LRRK1: variants seen among roughly 807,000 people sequenced by gnomAD.
The protein encoded by LRRK1 is leucine rich repeat kinase 1, also known as leucine-rich repeat serine/threonine-protein kinase 1.
LRRK1 carries 113 observed loss-of-function variants against 209.1 expected under a neutral mutation model. That is an observed-to-expected ratio of 0.54 (90% CI 0.46 to 0.63). The LOEUF (loss-of-function observed/expected upper bound fraction) is 0.63. Ranked by LOEUF, LRRK1 falls within the 30% of genes least tolerant of loss-of-function variation. The pLI is 0.00. For missense variants in LRRK1, 2,284 were observed against 2,632.2 expected (o/e 0.87, Z 2.89); for synonymous variants, 1,144 against 1,099.7 (o/e 1.04, Z -0.80).
At chr15:101,040,366 G>C (rs1394583503) in intron 20 of LRRK1, among the ~76,000 whole-genome samples, 1 of 151,840 alleles carries the variant, frequency 6.6e-6, no homozygotes, top group African/African-American at 2.4e-5. Context: ...AATGTGTAGT[G>C]ATATGCTCTC....
chr15:101,029,122 A>G lies in LRRK1; in HGVS notation c.2853A>G (p.Ala951=), dbSNP rs770520937. 2 of 1,614,226 alleles carry G rather than the reference A, an allele frequency of 1.2e-6. No individual in the cohort carries two copies. The highest frequency in any genetic ancestry group is 1.7e-5 in the Admixed American group (1 of 60,026). Residue 951 remains alanine (A), a synonymous_variant, in exon 20 of 34, where the codon GCA becomes GCG. Transcript: ENST00000388948. ...TGGCCAAGAATGGGGTGATCAGAGC[A>G]GAAGACCTCAGGATGCTGCTGGTGG... ...RSVAKNGVIR[A]EDLRMLLVGT... is the part of the protein sequence containing the mutation.
chr15:101,053,759 T>C (rs1331070172), intron 26 of LRRK1, among the ~76,000 whole-genome samples: 2 of 151,754 alleles, frequency 1.3e-5, no homozygotes, highest in Admixed American at 6.6e-5. Context: ...ATTGAATCAC[T>C]TTCCCAACTG....
chr15:101,030,086 C>T (rs1465799225), intron 20 of LRRK1, among the ~76,000 whole-genome samples: 1 of 152,138 alleles, frequency 6.6e-6, no homozygotes, highest in African/African-American at 2.4e-5. Flanking sequence ...CCCAGGTCTC[C>T]CCAGTCCTAA....
intron 15 of LRRK1, among the ~76,000 whole-genome samples, chr15:101,023,095 T>C (rs2033872690): frequency 6.6e-6 from 1 of 152,146 alleles, no homozygotes; most frequent in Non-Finnish European, 1.5e-5. Context: ...TAACCACTGT[T>C]GCAGGCAGTG....
At chr15:100,982,199 G>A (rs1044847616) in intron 3 of LRRK1, among the ~76,000 whole-genome samples, 1 of 152,160 alleles carries the variant, frequency 6.6e-6, no homozygotes, top group Non-Finnish European at 1.5e-5. Flanking sequence ...TCCTCAGTAG[G>A]TGTTGATGGG....
chr15:101,053,925 A>G (rs1414391759), intron 26 of LRRK1, among the ~76,000 whole-genome samples: 1 of 152,194 alleles, frequency 6.6e-6, no homozygotes, highest in Non-Finnish European at 1.5e-5. Context: ...AGGAAGAAGA[A>G]ATGCTATGAA....
At position 101,010,734 on chromosome 15, in the gene LRRK1, C is replaced by A; in HGVS notation, c.1178C>A (p.Thr393Lys). Residue 393 changes from threonine (T) to lysine (K), a missense_variant, in exon 9 of 34, where the codon ACA (threonine) becomes AAA (lysine). By Grantham distance (78) the Thr-to-Lys change is moderately conservative. Coordinates refer to ENST00000388948, the MANE Select transcript of LRRK1 (RefSeq NM_024652.6). Reference sequence around the variant, plus strand: ...CTTGATATATCTGACAATAAATTGACAGAACTCCCTGCCCTGTTCCTTCAC... The same window carrying A: ...CTTGATATATCTGACAATAAATTGAAAGAACTCCCTGCCCTGTTCCTTCAC... The part of the protein sequence containing the change: ...QELDISDNKL[T>K]ELPALFLHSF... 6.2e-7 allele frequency: 1 copy of A among 1,613,010 alleles called. No homozygotes were observed. The highest frequency in any genetic ancestry group is 1.1e-5 in the South Asian group (1 of 91,054).
Position 101,071,023 on chromosome 15 carries a change from T to C in LRRK1, c.*2175T>C, listed in dbSNP as rs1363291982. 1 of 152,198 alleles carries C rather than the reference T, an allele frequency of 6.6e-6. No individual in the cohort carries two copies. Among genetic ancestry groups the C allele is most frequent in the East Asian group, 1.9e-4 (1 of 5,198 alleles). 9.4% of individuals were successfully genotyped at this position (152,198 alleles called of 1,614,324 possible). A position where few individuals can be genotyped will look rare whatever the true frequency, so the allele number is the denominator to read the frequency against. On this transcript the variant is annotated 3_prime_UTR_variant, in exon 34 of 34. Transcript: ENST00000388948. ...GTTAAGGGCATGGGCAGCAATTGAA[T>C]TACAAAGAAACAGACAGACCCTTAA...
Position 101,012,004 on chromosome 15 carries a change from T to C in LRRK1, c.1282-4T>C, listed in dbSNP as rs1316712589. 1 of 1,592,886 alleles carries C rather than the reference T, an allele frequency of 6.3e-7. No individual in the cohort carries two copies. The highest frequency in any genetic ancestry group is 1.8e-5 in the Admixed American group (1 of 54,402). On this transcript the variant is annotated splice_region_variant and splice_polypyrimidine_tract_variant and intron_variant, in intron 9 of 33. Transcript: ENST00000388948. ...TACATTTTTTTTTCTCGTCAATCTC[T>C]TAGAAATGTTGTAAAGCTTCCAGAA...
intron 12 of LRRK1, among the ~76,000 whole-genome samples, chr15:101,020,369 C>CTTTTTTT (rs1258764876): frequency 2.0e-5 from 2 of 98,468 alleles, no homozygotes; most frequent in Non-Finnish European, 1.9e-5. Flanking sequence ...CGGTTCTGAA[C>CTTTTTTT]TTTTTTTTTT....
At chr15:101,045,941 TG>T (rs1401854087) in intron 20 of LRRK1, 39 bp from the exon 21 acceptor site, 1 of 1,574,670 alleles carries the variant, frequency 6.4e-7, no homozygotes, top group African/African-American at 1.3e-5. Context: ...CAGTGGAGCT[TG>T]GGCCCCACTG....
chr15:100,939,044 G>T (rs28492755), intron 2 of LRRK1, among the ~76,000 whole-genome samples: 8,283 of 152,304 alleles, frequency 0.054, 238 homozygotes, highest in Middle Eastern at 0.068. Context: ...AGTGAGCCCA[G>T]ATCATGCCAT....
intron 20 of LRRK1, among the ~76,000 whole-genome samples, chr15:101,044,597 A>T (rs2034952087): frequency 6.6e-6 from 1 of 152,176 alleles, no homozygotes; most frequent in African/African-American, 2.4e-5. Context: ...TTGCCATGTC[A>T]CCTTCTAAAC....
chr15:100,977,103 C>A (rs188012621), intron 3 of LRRK1, among the ~76,000 whole-genome samples: 1 of 150,720 alleles, frequency 6.6e-6, no homozygotes, highest in African/African-American at 2.4e-5. Flanking sequence ...CACAATAGTA[C>A]GTTTTTGGGT....
intron 20 of LRRK1, among the ~76,000 whole-genome samples, chr15:101,030,955 C>G (rs980209587): frequency 1.3e-5 from 2 of 152,114 alleles, no homozygotes; most frequent in African/African-American, 4.8e-5. Flanking sequence ...CATTCTTACG[C>G]CTTTGCATCC....
rs375470635 is a variant in LRRK1 at position 100,942,319 on chromosome 15, T to C, written c.97+17590T>C. Among the ~76,000 whole-genome samples, 28 of 152,350 alleles carry C rather than the reference T, an allele frequency of 1.8e-4. 2 individuals carry two copies. Among genetic ancestry groups the C allele is most frequent in the Admixed American group, 7.8e-4 (12 of 15,308 alleles). ...TGGTTAGCACCATACTAAGTGCACATGCTAGGCAGACCCTCAAAAAAAATG... is the reference window on the plus strand; with the variant it reads ...TGGTTAGCACCATACTAAGTGCACACGCTAGGCAGACCCTCAAAAAAAATG... On this transcript the variant is annotated intron_variant, in intron 2 of 33. Coordinates refer to ENST00000388948, the MANE Select transcript of LRRK1 (RefSeq NM_024652.6).
chr15:100,986,822 C>T (rs567666390), intron 4 of LRRK1, among the ~76,000 whole-genome samples: 44 of 152,322 alleles, frequency 2.9e-4, no homozygotes, highest in African/African-American at 1.0e-3. Context: ...CAGCTGTTCT[C>T]CCCCAGGGCT....
rs1388320349 is a variant in LRRK1, at chr15:101,056,852, C to T, written c.4333-4C>T. 2.5e-6 allele frequency: 4 copies of T among 1,592,168 alleles called. No individual in the cohort carries two copies. Among genetic ancestry groups the T allele is most frequent in the Non-Finnish European group, 3.4e-6 (4 of 1,168,128 alleles). On this transcript the variant is annotated splice_polypyrimidine_tract_variant and splice_region_variant and intron_variant, in intron 27 of 33. Transcript: ENST00000388948. ...CGACCTGACTTGGCTTGTTCTGTGC[C>T]CAGGTAGATATGTTCTCCTATGGAA...
At chr15:101,047,363 G>A (rs1402601689) in intron 21 of LRRK1, among the ~76,000 whole-genome samples, 10 of 152,216 alleles carry the variant, frequency 6.6e-5, no homozygotes, top group African/African-American at 1.7e-4. Flanking sequence ...GGGCGCAGGC[G>A]CTGGTGCTCC....
Sources: gnomAD v4.1 joint callset for allele counts (sites outside exome capture counted in the v4.1 genomes callset) on GRCh38, gnomAD v4.1.1 for gene constraint, MANE v1.5 for transcripts, NCBI Gene and HGNC (gene_info 2026-07-23, HGNC 2026-07-21) for gene names.